The following RGS3 variants were observed in gnomAD, a reference collection of about 807,000 sequenced individuals.
The protein encoded by RGS3 is regulator of G protein signaling 3.
Under a neutral mutation model 132.6 loss-of-function variants are expected in RGS3, and 80 were observed. The observed-to-expected ratio is 0.60, with a 90% CI of 0.50 to 0.73. The LOEUF is 0.73. Ranked by LOEUF, RGS3 falls within the 30% of genes least tolerant of loss-of-function variation. The probability of loss-of-function intolerance (pLI) is 0.00; values close to 1 mark genes in which losing one functional copy is unlikely to be tolerated. For synonymous variants in RGS3, 598 were observed against 620.6 expected (o/e 0.96, Z 0.54); for missense variants, 1,382 against 1,530.8 (o/e 0.90, Z 1.62).
Position 113,567,921 on chromosome 9 carries a change from C to T in RGS3, c.2038-15529C>T, listed in dbSNP as rs535198765. 2.0e-5 allele frequency among the ~76,000 whole-genome samples: 3 copies of T among 152,348 alleles called. No individual in the cohort carries two copies. In the South Asian group the frequency reaches 6.2e-4, roughly 32 times the overall value. ...AGAGGCACAGCTGAAGAGAGAGTGC[C>T]TATCCCCAGCTGGGTCCCTGGGGGC... On this transcript the variant is annotated intron_variant, in intron 19 of 24. Transcript: ENST00000350696.
intron 3 of RGS3, among the ~76,000 whole-genome samples, chr9:113,475,018 C>T (rs1829948651): frequency 6.6e-6 from 1 of 152,190 alleles, no homozygotes; most frequent in Non-Finnish European, 1.5e-5. Flanking sequence ...GTGTCCACAT[C>T]CATTTAAAAG....
chr9:113,484,966 T>C (rs1278736512), intron 6 of RGS3, among the ~76,000 whole-genome samples: 3 of 152,226 alleles, frequency 2.0e-5, no homozygotes, highest in African/African-American at 7.2e-5. Flanking sequence ...CCTACTGTAT[T>C]TCTTTTCAGA....
Position 113,463,813 on chromosome 9 carries a change from C to G in RGS3, c.415+1612C>G. 2.5e-6 allele frequency: 4 copies of G among 1,612,346 alleles called. No individual in the cohort carries two copies. Among genetic ancestry groups the G allele is most frequent in the Non-Finnish European group, 3.4e-6 (4 of 1,179,580 alleles). ...TCGCAGTGGGACGCCATGGAGCGCT[C>G]CCTGCACCGCGTCTCCCTCGGGAGC... On this transcript the variant is annotated intron_variant, in intron 3 of 24. Transcript: ENST00000350696. This position sits in a 1 kb window ranked among gnomAD's most constrained non-coding sequence, Gnocchi z 4.6.
chr9:113,522,701 T>C, intron 16 of RGS3: 1 of 543,234 alleles, frequency 1.8e-6, no homozygotes, highest in South Asian at 2.2e-5. Flanking sequence ...TTTTTCCTAC[T>C]TTGAGGAGTG....
At chr9:113,502,671 G>A (rs1830952799) in intron 10 of RGS3, among the ~76,000 whole-genome samples, 1 of 152,248 alleles carries the variant, frequency 6.6e-6, no homozygotes, top group South Asian at 2.1e-4. Context: ...CTGGGGCTAT[G>A]GGCTAGAAGA....
intron 3 of RGS3, among the ~76,000 whole-genome samples, chr9:113,467,093 A>G (rs893803130): frequency 2.6e-4 from 39 of 152,166 alleles, no homozygotes; most frequent in Admixed American, 7.9e-4. Flanking sequence ...GTATGGCTAT[A>G]CCACATTTTA....
At chr9:113,590,635 A>C (rs1455908941) in intron 20 of RGS3, among the ~76,000 whole-genome samples, 1 of 152,030 alleles carries the variant, frequency 6.6e-6, no homozygotes, top group Non-Finnish European at 1.5e-5. Flanking sequence ...GCATCCCCCG[A>C]GGAAGGAATT....
chr9:113,489,890 A>G (rs1830454420), intron 7 of RGS3, among the ~76,000 whole-genome samples: 2 of 152,210 alleles, frequency 1.3e-5, no homozygotes, highest in South Asian at 4.1e-4. Context: ...TGAAACTGAT[A>G]GGAGATAACA....
In RGS3 at chr9:113,488,450, C is replaced by G. The variant is rs1281712198; in HGVS notation, c.689+2757C>G. Among the ~76,000 whole-genome samples the G allele has an allele frequency of 2.0e-5, 3 of 152,128 alleles. No individual in the cohort carries two copies. In the East Asian group the frequency reaches 5.8e-4, roughly 29 times the overall value. The stretch of plus-strand genomic sequence containing the variant: ...AGGAAGGTCATCGAATGCTAAGGAC[C>G]AAGGGTCCGCTCCCTGTCTTTGAAG... On this transcript the variant is annotated intron_variant, in intron 7 of 24. Coordinates refer to ENST00000350696, the Ensembl canonical transcript of RGS3.
At chr9:113,503,153 C>T (rs1374029161) in intron 10 of RGS3, among the ~76,000 whole-genome samples, 4 of 152,322 alleles carry the variant, frequency 2.6e-5, no homozygotes, top group Admixed American at 1.3e-4. Context: ...GCGAGAACCA[C>T]CCGCAGGAAG....
chr9:113,511,696 G>A (rs1831411794), intron 14 of RGS3, among the ~76,000 whole-genome samples: 1 of 152,140 alleles, frequency 6.6e-6, no homozygotes, highest in African/African-American at 2.4e-5. Context: ...GGCTAGAGAA[G>A]GGAAGAAATC....
exon 15 of RGS3, chr9:113,514,585 C>T (rs201162138): frequency 8.7e-6 from 14 of 1,614,108 alleles, no homozygotes; most frequent in Non-Finnish European, 1.2e-5. Context: ...GGCCGCATGC[C>T]ACGCACTCAA....
intron 20 of RGS3, among the ~76,000 whole-genome samples, chr9:113,589,675 T>C (rs1835315418): frequency 6.6e-6 from 1 of 152,174 alleles, no homozygotes; most frequent in South Asian, 2.1e-4. Context: ...CAGGCCAGCA[T>C]GAGTGCAGCC....
In RGS3 at chr9:113,506,840, T is replaced by C. The variant is rs1831153357; in HGVS notation, c.1085+347T>C. 6.6e-6 allele frequency among the ~76,000 whole-genome samples: 1 copy of C among 152,160 alleles called. No homozygotes were observed. Among genetic ancestry groups the C allele is most frequent in the Admixed American group, 6.5e-5 (1 of 15,282 alleles). On this transcript the variant is annotated intron_variant, in intron 12 of 24. Transcript: ENST00000350696. The surrounding 1 kb of genome is among the most constrained non-coding windows in gnomAD (Gnocchi z 4.7). ...CATGAAGATGTTGCAAATGTTTCAA[T>C]TGCACAATTAAAAAAATATTCTTGA...
intron 19 of RGS3, among the ~76,000 whole-genome samples, chr9:113,550,462 A>G (rs183887303): frequency 6.6e-6 from 1 of 152,368 alleles, no homozygotes; most frequent in East Asian, 1.9e-4. Flanking sequence ...TTATATATTT[A>G]TAAAATGGAT....
chr9:113,571,169 T>G (rs1240354378), intron 19 of RGS3, among the ~76,000 whole-genome samples: 1 of 152,264 alleles, frequency 6.6e-6, no homozygotes, highest in Non-Finnish European at 1.5e-5. Flanking sequence ...AACATTTGTG[T>G]TGTTTACAGT....
chr9:113,561,530 A>T (rs1222370720), intron 19 of RGS3, among the ~76,000 whole-genome samples: 3 of 150,380 alleles, frequency 2.0e-5, no homozygotes. Flanking sequence ...CTCCCACTTC[A>T]GCCTCTTGAG....
intron 17 of RGS3, among the ~76,000 whole-genome samples, chr9:113,526,020 C>T (rs1370023158): frequency 6.6e-6 from 1 of 152,190 alleles, no homozygotes; most frequent in African/African-American, 2.4e-5. Context: ...GGAGAGCTGG[C>T]GCTAACAATT....
At chr9:113,587,365 G>A (rs773590075) in intron 20 of RGS3, among the ~76,000 whole-genome samples, 2 of 152,306 alleles carry the variant, frequency 1.3e-5, no homozygotes, top group East Asian at 3.9e-4. Flanking sequence ...CAGGCAAGAG[G>A]TGAAGAGGGG....
Sources: gnomAD v4.1 joint callset for allele counts (sites outside exome capture counted in the v4.1 genomes callset) on GRCh38, gnomAD v4.1.1 for gene constraint, Gnocchi (gnomAD v3.1) non-coding constraint, MANE v1.5 for transcripts, NCBI Gene and HGNC (gene_info 2026-07-23, HGNC 2026-07-21) for gene names.